The following SATB1 variants were observed in gnomAD, a reference collection of about 807,000 sequenced individuals.
SATB1 encodes SATB homeobox 1.
A neutral mutation model predicts 86.9 loss-of-function variants in SATB1; 11 were observed. The ratio of observed to expected loss-of-function variants is 0.13; its 90% confidence interval spans 0.08 to 0.21. SATB1 has a LOEUF of 0.21. Ranked by LOEUF, SATB1 falls within the 10% of genes least tolerant of loss-of-function variation. The probability of loss-of-function intolerance (pLI) is 1.00; values close to 1 mark genes in which losing one functional copy is unlikely to be tolerated. For synonymous variants in SATB1, 357 were observed against 357.2 expected (o/e 1.00, Z 0.01); for missense variants, 551 against 937.6 (o/e 0.59, Z 5.39).
intron 9 of SATB1, among the ~76,000 whole-genome samples, chr3:18,366,927 A>G (rs764935991): frequency 1.9e-4 from 29 of 152,212 alleles, no homozygotes; most frequent in Non-Finnish European, 5.9e-5. Context: ...TTCCCAGACT[A>G]GAACACCTGT....
intron 2 of SATB1, among the ~76,000 whole-genome samples, chr3:18,432,775 A>T (rs9310568): frequency 0.93 from 140,796 of 151,174 alleles, 65,636 homozygotes; most frequent in African/African-American, 0.97. Context: ...CGTATTTTTT[A>T]ACACATATTT....
chr3:18,440,156 C>T (rs1280314836), upstream of SATB1, among the ~76,000 whole-genome samples: 7 of 152,118 alleles, frequency 4.6e-5, no homozygotes, highest in Admixed American at 4.6e-4. Context: ...GTTAATTTAG[C>T]AAAACACATT....
chr3:18,409,911 A>C (rs575844667), intron 5 of SATB1, among the ~76,000 whole-genome samples: 8 of 152,074 alleles, frequency 5.3e-5, no homozygotes, highest in Non-Finnish European at 1.0e-4. Flanking sequence ...CAAGAAATTC[A>C]TCTGCCCACT....
At chr3:18,389,811 T>A (rs1185917122) in intron 7 of SATB1, among the ~76,000 whole-genome samples, 1 of 152,148 alleles carries the variant, frequency 6.6e-6, no homozygotes, top group Non-Finnish European at 1.5e-5. Context: ...AGAACTTGTA[T>A]GTTATGTAGG....
chr3:18,369,162 TA>T (rs200357255), intron 9 of SATB1, among the ~76,000 whole-genome samples: 15,481 of 119,828 alleles, frequency 0.13, 1,630 homozygotes, highest in African/African-American at 0.28. Flanking sequence ...AACTTTGCAT[TA>T]AAAAAAAAAA....
intron 2 of SATB1, 88 bp from the exon 3 acceptor site, chr3:18,417,166 AAAAT>A: frequency 2.3e-6 from 3 of 1,327,050 alleles, no homozygotes; most frequent in Non-Finnish European, 3.2e-6. Context: ...ATTAGCCATG[AAAAT>A]AAATAATCAC....
Position 18,349,157 on chromosome 3 carries a change from A to T in SATB1, c.*13T>A. 1.9e-6 allele frequency: 3 copies of T among 1,610,456 alleles called. No homozygotes were observed. The highest frequency in any genetic ancestry group is 2.5e-6 in the Non-Finnish European group (3 of 1,177,768). ...TACCAGTGGCACTGTTGAACGAAACAAATACTTTTATCTCAGTCTTTCAAA... is the reference window on the plus strand; with the variant it reads ...TACCAGTGGCACTGTTGAACGAAACTAATACTTTTATCTCAGTCTTTCAAA... On this transcript the variant is annotated 3_prime_UTR_variant, in exon 11 of 11. Transcript: ENST00000338745. The surrounding 1 kb of genome is among the most constrained non-coding windows in gnomAD (Gnocchi z 5.5).
At chr3:18,398,178 A>G (rs1195115119) in intron 5 of SATB1, among the ~76,000 whole-genome samples, 1 of 152,202 alleles carries the variant, frequency 6.6e-6, no homozygotes. Flanking sequence ...AATGAAGAAA[A>G]ACATGATTTT....
At chr3:18,389,849 T>G (rs1165728746) in intron 7 of SATB1, among the ~76,000 whole-genome samples, 2 of 152,132 alleles carry the variant, frequency 1.3e-5, no homozygotes, top group Non-Finnish European at 2.9e-5. Flanking sequence ...TAAATATTCA[T>G]TTTATTGAAA....
At chr3:18,396,603 T>C (rs1464396083) in intron 6 of SATB1, among the ~76,000 whole-genome samples, 2 of 152,180 alleles carry the variant, frequency 1.3e-5, no homozygotes, top group Admixed American at 6.5e-5. Flanking sequence ...TGTGTTAAGA[T>C]AGAATGCTAC....
In SATB1 at chr3:18,444,313, C is replaced by T. The variant is rs925479808; in HGVS notation, c.-25+1205G>A. On this transcript the variant is annotated intron_variant, in intron 1 of 3. Coordinates refer to the SATB1 transcript ENST00000415069. The surrounding 1 kb of genome is among the most constrained non-coding windows in gnomAD (Gnocchi z 5.1). ...GTTTGTTCAGCCAGGGTCTATTGGG[C>T]AGGTGTGGTGGTGTGTCCACACCCA... 1.3e-5 allele frequency among the ~76,000 whole-genome samples: 2 copies of T among 152,032 alleles called. No homozygotes were observed. Among genetic ancestry groups the T allele is most frequent in the Admixed American group, 6.6e-5 (1 of 15,256 alleles).
rs1051804027 is a variant in SATB1 at position 18,348,257 on chromosome 3, G to A, written c.*913C>T. 6.6e-6 allele frequency: 1 copy of A among 152,536 alleles called. No individual in the cohort carries two copies. The highest frequency in any genetic ancestry group is 1.5e-5 in the Non-Finnish European group (1 of 67,984). 9.4% of individuals were successfully genotyped at this position (152,536 alleles called of 1,614,324 possible). On this transcript the variant is annotated 3_prime_UTR_variant, in exon 11 of 11. Transcript: ENST00000338745. ...GCTTATTTGCATGATAGTAAAAATT[G>A]CATACAACAATAAGAGTGAAGCTTA...
intron 9 of SATB1, among the ~76,000 whole-genome samples, chr3:18,372,910 C>T (rs1695546201): frequency 6.6e-6 from 1 of 152,180 alleles, no homozygotes; most frequent in South Asian, 2.1e-4. Flanking sequence ...CCACATCCTT[C>T]TTACTCAAGA....
Position 18,349,726 on chromosome 3 carries a change from G to A in SATB1, c.1780-44C>T. 1 of 1,545,506 alleles carries A rather than the reference G, an allele frequency of 6.5e-7. No homozygotes were observed. Among genetic ancestry groups the A allele is most frequent in the Non-Finnish European group, 8.7e-7 (1 of 1,147,214 alleles). On this transcript the variant is annotated intron_variant, in intron 10 of 10. Transcript: ENST00000338745. This position sits in a 1 kb window ranked among gnomAD's most constrained non-coding sequence, Gnocchi z 5.5. ...ACAATCAGAGCTCTGCTATCGTGGA[G>A]TTCCACACAAAGCCGTCTCCAATCA...
intron 5 of SATB1, among the ~76,000 whole-genome samples, chr3:18,406,535 T>C (rs1006468269): frequency 3.3e-5 from 5 of 151,864 alleles, no homozygotes; most frequent in African/African-American, 1.2e-4. Context: ...GGAAGAAAAA[T>C]TTTAAAATTT....
intron 9 of SATB1, among the ~76,000 whole-genome samples, chr3:18,371,757 C>T (rs1022277044): frequency 3.9e-5 from 6 of 152,154 alleles, no homozygotes; most frequent in African/African-American, 1.2e-4. Context: ...ATAAAACCTA[C>T]CTTCATTATC....
chr3:18,368,265 C>A (rs1316172712), intron 9 of SATB1, among the ~76,000 whole-genome samples: 2 of 152,018 alleles, frequency 1.3e-5, no homozygotes, highest in Non-Finnish European at 1.5e-5. Context: ...CTATATCTTG[C>A]AAAATGATTA....
intron 5 of SATB1, among the ~76,000 whole-genome samples, chr3:18,399,694 T>A (rs1575142315): frequency 6.6e-6 from 1 of 152,278 alleles, no homozygotes; most frequent in East Asian, 1.9e-4. Flanking sequence ...CTCTGATTAA[T>A]GTAAATAATA....
At chr3:18,441,576 G>A (rs1258679788), upstream of SATB1, among the ~76,000 whole-genome samples, 3 of 152,152 alleles carry the variant, frequency 2.0e-5, no homozygotes, top group Non-Finnish European at 4.4e-5. Flanking sequence ...AACTATGTGT[G>A]TAAAGGGCAT....
Sources: allele counts gnomAD v4.1 joint callset (sites outside exome capture counted in the v4.1 genomes callset), GRCh38; gene constraint gnomAD v4.1.1; non-coding constraint Gnocchi (gnomAD v3.1); transcripts MANE v1.5; gene names NCBI Gene and HGNC (gene_info 2026-07-23, HGNC 2026-07-21).